Variants in LRP1B observed in about 807,000 individuals in gnomAD.
LRP1B encodes LDL receptor related protein 1B, also known as low-density lipoprotein receptor-related protein 1B.
In LRP1B, 217 loss-of-function variants were observed where a neutral mutation model predicts 556.6. The ratio of observed to expected loss-of-function variants is 0.39; its 90% CI spans 0.35 to 0.44. The LOEUF is 0.44. LRP1B is among the 20% of genes least tolerant of loss of function. The probability of loss-of-function intolerance (pLI) is 1.00; values close to 1 mark genes in which losing one functional copy is unlikely to be tolerated. For synonymous variants in LRP1B, 2,047 were observed against 1,865.8 expected (o/e 1.10, Z -2.50); for missense variants, 5,053 against 5,620.8 (o/e 0.90, Z 3.23).
At chr2:141,605,187 A>G (rs189486431) in intron 2 of LRP1B, among the ~76,000 whole-genome samples, 1 of 152,258 alleles carries the variant, frequency 6.6e-6, no homozygotes, top group East Asian at 1.9e-4. Context: ...AAGCAAATCC[A>G]GTCTGCAGCC....
At chr2:140,249,844 A>C (rs1290386015) in intron 86 of LRP1B, among the ~76,000 whole-genome samples, 1 of 151,876 alleles carries the variant, frequency 6.6e-6, no homozygotes, top group East Asian at 1.9e-4. Flanking sequence ...GCAATGCATA[A>C]ATCTTCATAC....
At chr2:141,502,386 T>C (rs557524026) in intron 2 of LRP1B, among the ~76,000 whole-genome samples, 5 of 152,314 alleles carry the variant, frequency 3.3e-5, no homozygotes, top group Admixed American at 1.3e-4. Flanking sequence ...TGTTTGCTCA[T>C]GAATATTTGT....
At position 141,788,774 on chromosome 2, in the gene LRP1B, C is replaced by T. The variant is rs547852707; in HGVS notation, c.205+21505G>A. ...TCACTGTTCAATTCCCACCTATGAG[C>T]GAGAACATGCGGTGTTTGTTTTTTT... On this transcript the variant is annotated intron_variant, in intron 2 of 90. Coordinates refer to ENST00000389484, the MANE Select transcript of LRP1B (RefSeq NM_018557.3). Among the ~76,000 whole-genome samples, 73 of 149,396 alleles carry T rather than the reference C, an allele frequency of 4.9e-4. No individual in the cohort carries two copies. In the South Asian group the frequency reaches 0.014, roughly 28 times the overall value.
intron 6 of LRP1B, among the ~76,000 whole-genome samples, chr2:141,227,044 C>A (rs1443409804): frequency 6.6e-6 from 1 of 152,068 alleles, no homozygotes; most frequent in South Asian, 2.1e-4. Context: ...CTAACAACAA[C>A]AACAACAACA....
At chr2:140,512,229 C>T (rs1413649052) in intron 51 of LRP1B, among the ~76,000 whole-genome samples, 4 of 152,114 alleles carry the variant, frequency 2.6e-5, no homozygotes, top group African/African-American at 4.8e-5. Flanking sequence ...ACTGAGATAT[C>T]TCCAGCTATA....
rs1553507609 is a variant in LRP1B at position 141,392,480 on chromosome 2, A to AAG, written c.343+87914_343+87915dup. Among the ~76,000 whole-genome samples the AAG allele has an allele frequency of 1.3e-4, 17 of 134,550 alleles. 1 individual carries two copies. The highest frequency in any genetic ancestry group is 3.0e-4 in the African/African-American group (10 of 32,896). The allele number at this position is 134,550 out of a possible 152,430, so 88.3% of individuals were successfully genotyped here. A position where few individuals can be genotyped will look rare whatever the true frequency, so the allele number is the denominator to read the frequency against. On this transcript the variant is annotated intron_variant, in intron 3 of 90. Transcript: ENST00000389484. ...TCTCTTAAAAAAAAAAAAAAAAAAA[A>AAG]AGAGAGACTGTCACTCACTAAAACA...
At chr2:140,811,031 G>A (rs897064120) in intron 32 of LRP1B, among the ~76,000 whole-genome samples, 3 of 152,050 alleles carry the variant, frequency 2.0e-5, no homozygotes, top group Non-Finnish European at 2.9e-5. Flanking sequence ...CACTGTGCCC[G>A]GCCAAGAGGT....
intron 31 of LRP1B, among the ~76,000 whole-genome samples, chr2:140,839,574 G>A (rs1364008435): frequency 1.3e-5 from 2 of 152,156 alleles, no homozygotes; most frequent in African/African-American, 4.8e-5. Flanking sequence ...AAGTTCTTCA[G>A]CTTTTAGACT....
chr2:140,355,079 A>AT (rs1682148832), intron 75 of LRP1B, among the ~76,000 whole-genome samples: 1 of 151,964 alleles, frequency 6.6e-6, no homozygotes, highest in African/African-American at 2.4e-5. Context: ...GTCCTACAAA[A>AT]TAATACAAAA....
chr2:140,321,463 A>C (rs567418753), intron 82 of LRP1B, among the ~76,000 whole-genome samples: 1 of 151,606 alleles, frequency 6.6e-6, no homozygotes, highest in Non-Finnish European at 1.5e-5. Flanking sequence ...AATTATTATT[A>C]TTCTTTGTGG....
chr2:142,039,285 C>A (rs544575229), intron 1 of LRP1B, among the ~76,000 whole-genome samples: 1 of 151,638 alleles, frequency 6.6e-6, no homozygotes, highest in South Asian at 2.1e-4. Context: ...GGCTCCTCCC[C>A]ATTGCATATT....
intron 7 of LRP1B, among the ~76,000 whole-genome samples, chr2:141,088,808 A>G: frequency 6.6e-6 from 1 of 152,212 alleles, no homozygotes; most frequent in East Asian, 1.9e-4. Flanking sequence ...TTGGTCCTTT[A>G]AATCGATGTC....
chr2:140,806,002 A>T (rs995254224), intron 32 of LRP1B, among the ~76,000 whole-genome samples: 4 of 152,168 alleles, frequency 2.6e-5, no homozygotes, highest in Admixed American at 2.0e-4. Context: ...TAATTTGGTC[A>T]TGAGGGTAAA....
intron 43 of LRP1B, among the ~76,000 whole-genome samples, chr2:140,565,973 A>G (rs1414481543): frequency 2.0e-5 from 3 of 152,160 alleles, no homozygotes; most frequent in Non-Finnish European, 4.4e-5. Context: ...AGCTGCCTGG[A>G]GTCCACACGG....
chr2:141,247,161 A>T (rs1684096986), intron 5 of LRP1B, 65 bp downstream of exon 5: 2 of 1,589,246 alleles, frequency 1.3e-6, no homozygotes, highest in African/African-American at 2.7e-5. Context: ...ATCTCTAATG[A>T]AAAAGAATTG....
intron 2 of LRP1B, among the ~76,000 whole-genome samples, chr2:141,698,493 T>TAA (rs34461101): frequency 0.34 from 47,244 of 139,754 alleles, 8,069 homozygotes; most frequent in East Asian, 0.55. Flanking sequence ...GTTGTACACT[T>TAA]AAAAAAAAAA....
chr2:140,497,910 C>T (rs1276454767), intron 55 of LRP1B, among the ~76,000 whole-genome samples: 4 of 151,716 alleles, frequency 2.6e-5, no homozygotes, highest in Non-Finnish European at 4.4e-5. Context: ...TTAAGATTTA[C>T]AGTAAATTTT....
At chr2:141,546,907 T>A (rs1263364550) in intron 2 of LRP1B, among the ~76,000 whole-genome samples, 1 of 152,200 alleles carries the variant, frequency 6.6e-6, no homozygotes, top group Non-Finnish European at 1.5e-5. Flanking sequence ...CTCCTAATAC[T>A]TAAACAAAGC....
At chr2:142,009,400 T>C (rs1702887247) in intron 1 of LRP1B, among the ~76,000 whole-genome samples, 1 of 152,140 alleles carries the variant, frequency 6.6e-6, no homozygotes, top group African/African-American at 2.4e-5. Flanking sequence ...ATAAAGTAGT[T>C]GACTCTTGCC....
Sources: gnomAD v4.1 joint callset for allele counts (sites outside exome capture counted in the v4.1 genomes callset) on GRCh38, gnomAD v4.1.1 for gene constraint, MANE v1.5 for transcripts, NCBI Gene and HGNC (gene_info 2026-07-23, HGNC 2026-07-21) for gene names.